NOVA1: variants seen among roughly 807,000 people sequenced by gnomAD.
The protein encoded by NOVA1 is NOVA alternative splicing regulator 1.
NOVA1 carries 7 observed loss-of-function variants against 38.0 expected under a neutral mutation model. The observed-to-expected ratio is 0.18, with a 90% CI of 0.10 to 0.35. The LOEUF is 0.35. NOVA1 is among the 10% of genes least tolerant of loss of function. The pLI is 1.00. For missense variants in NOVA1, 460 were observed against 616.0 expected (o/e 0.75, Z 2.68); for synonymous variants, 270 against 232.5 (o/e 1.16, Z -1.47).
At chr14:26,532,584 A>T (rs184210571) in intron 2 of NOVA1, among the ~76,000 whole-genome samples, 1 of 152,182 alleles carries the variant, frequency 6.6e-6, no homozygotes, top group Non-Finnish European at 1.5e-5. Flanking sequence ...AAGGGGCACA[A>T]TGAAATTTTT....
chr14:26,470,381 A>G (rs1424016658), intron 4 of NOVA1: 2 of 1,509,508 alleles, frequency 1.3e-6, no homozygotes, highest in Non-Finnish European at 1.8e-6. Flanking sequence ...ATAATTACAA[A>G]GTATTAATAA....
At chr14:26,483,191 C>A (rs1226279442) in intron 2 of NOVA1, among the ~76,000 whole-genome samples, 1 of 152,222 alleles carries the variant, frequency 6.6e-6, no homozygotes, top group African/African-American at 2.4e-5. Context: ...AAAGTTTTCA[C>A]AGAAATTTAA....
intron 3 of NOVA1, 128 bp from the exon 4 acceptor site, chr14:26,472,519 T>C: frequency 1.1e-5 from 5 of 439,254 alleles, no homozygotes; most frequent in Non-Finnish European, 1.6e-5. Flanking sequence ...TTTTCTCCTA[T>C]TCATTTGAAT....
chr14:26,515,464 T>A (rs879426159), intron 2 of NOVA1, among the ~76,000 whole-genome samples: 1 of 151,990 alleles, frequency 6.6e-6, no homozygotes, highest in Admixed American at 6.6e-5. Context: ...GTCAGGCACA[T>A]AATACATACT....
intron 2 of NOVA1, chr14:26,594,601 CAG>C (rs1894062528): frequency 6.6e-6 from 1 of 151,902 alleles, no homozygotes; most frequent in African/African-American, 2.4e-5. Context: ...TACTCAATTA[CAG>C]AGACTTTTCC....
chr14:26,552,323 G>C (rs556028528), intron 2 of NOVA1, among the ~76,000 whole-genome samples: 1 of 151,968 alleles, frequency 6.6e-6, no homozygotes, highest in African/African-American at 2.4e-5. Context: ...AGGAATTTTC[G>C]AATGTTTTAC....
At chr14:26,524,802 T>A (rs1003443361) in intron 2 of NOVA1, among the ~76,000 whole-genome samples, 2 of 152,136 alleles carry the variant, frequency 1.3e-5, no homozygotes, top group Non-Finnish European at 2.9e-5. Context: ...AATCACTTCA[T>A]AAAAGGTAAA....
intron 4 of NOVA1, among the ~76,000 whole-genome samples, chr14:26,466,459 A>T (rs1884149282): frequency 6.6e-6 from 1 of 152,200 alleles, no homozygotes; most frequent in African/African-American, 2.4e-5. Context: ...CTGGAGTTTT[A>T]CTGTGAGAAC....
intron 2 of NOVA1, among the ~76,000 whole-genome samples, chr14:26,539,818 T>A (rs868782990): frequency 6.6e-6 from 1 of 152,166 alleles, no homozygotes; most frequent in Non-Finnish European, 1.5e-5. Context: ...TGTAATAAAA[T>A]TTTTCAGAAA....
chr14:26,459,038 TA>T (rs1320582802), intron 4 of NOVA1, among the ~76,000 whole-genome samples: 1 of 152,056 alleles, frequency 6.6e-6, no homozygotes, highest in Non-Finnish European at 1.5e-5. Flanking sequence ...ACAGTGTTGA[TA>T]AAGTCTACAG....
chr14:26,570,537 T>C (rs1892405369), intron 2 of NOVA1, among the ~76,000 whole-genome samples: 1 of 152,032 alleles, frequency 6.6e-6, no homozygotes, highest in Non-Finnish European at 1.5e-5. Flanking sequence ...TTATCTAGCA[T>C]CTATATAACA....
At chr14:26,553,363 G>A (rs988993612) in intron 2 of NOVA1, among the ~76,000 whole-genome samples, 3 of 152,132 alleles carry the variant, frequency 2.0e-5, no homozygotes, top group Non-Finnish European at 4.4e-5. Flanking sequence ...CCCATCATGA[G>A]GCAATCATCA....
intron 2 of NOVA1, among the ~76,000 whole-genome samples, chr14:26,515,435 T>C (rs1266329736): frequency 6.6e-6 from 1 of 152,026 alleles, no homozygotes; most frequent in African/African-American, 2.4e-5. Context: ...TTTCTTACAT[T>C]CACTAGTAGT....
intron 2 of NOVA1, among the ~76,000 whole-genome samples, chr14:26,586,143 G>A (rs771624153): frequency 4.0e-5 from 6 of 151,348 alleles, no homozygotes; most frequent in African/African-American, 1.2e-4. Flanking sequence ...CTCAACTGAT[G>A]TGAGTAAAGA....
chr14:26,453,876 T>C (rs977708655), intron 4 of NOVA1, among the ~76,000 whole-genome samples: 1 of 152,316 alleles, frequency 6.6e-6, no homozygotes, highest in South Asian at 2.1e-4. Flanking sequence ...TACACACATA[T>C]GACATTACAC....
chr14:26,585,020 A>C (rs1386828415), intron 2 of NOVA1, among the ~76,000 whole-genome samples: 1 of 151,430 alleles, frequency 6.6e-6, no homozygotes, highest in African/African-American at 2.4e-5. Flanking sequence ...ATTTTAACCC[A>C]CTGTTCTCCA....
intron 4 of NOVA1, chr14:26,470,007 T>G: frequency 5.2e-6 from 1 of 193,968 alleles, no homozygotes; most frequent in Non-Finnish European, 9.9e-6. Context: ...TGTTAAGGGG[T>G]CTCAAGGTTA....
intron 2 of NOVA1, among the ~76,000 whole-genome samples, chr14:26,497,526 C>A (rs1331733532): frequency 1.3e-5 from 2 of 152,166 alleles, no homozygotes; most frequent in Non-Finnish European, 2.9e-5. Flanking sequence ...AGGATTATCA[C>A]ATAATGCTCC....
chr14:26,577,393 G>A (rs1265160525), intron 2 of NOVA1, among the ~76,000 whole-genome samples: 1 of 152,052 alleles, frequency 6.6e-6, no homozygotes, highest in Non-Finnish European at 1.5e-5. Context: ...CTTTGAAATT[G>A]TAAATAGTTT....
Sources: gnomAD v4.1 joint callset for allele counts (sites outside exome capture counted in the v4.1 genomes callset) on GRCh38, gnomAD v4.1.1 for gene constraint, MANE v1.5 for transcripts, NCBI Gene and HGNC (gene_info 2026-07-23, HGNC 2026-07-21) for gene names.